Variants in FRMD4B observed in about 807,000 individuals in gnomAD.
FRMD4B encodes FERM domain containing 4B, also known as FERM domain-containing protein 4B.
In FRMD4B, 74 loss-of-function variants were observed where a neutral mutation model predicts 141.5. The observed-to-expected ratio is 0.52, with a 90% CI of 0.43 to 0.63. FRMD4B has a LOEUF of 0.63. Ranked by LOEUF, FRMD4B falls within the 30% of genes least tolerant of loss-of-function variation. FRMD4B has a pLI of 0.00. For missense variants in FRMD4B, 1,366 were observed against 1,253.4 expected (o/e 1.09, Z -1.36); for synonymous variants, 506 against 467.9 (o/e 1.08, Z -1.05).
intron 11 of FRMD4B, among the ~76,000 whole-genome samples, chr3:69,200,068 T>C: frequency 6.6e-6 from 1 of 152,208 alleles, no homozygotes; most frequent in Non-Finnish European, 1.5e-5. Flanking sequence ...TTTTTAATAG[T>C]CTATACAATA....
At chr3:69,451,175 A>C (rs1484695166) in intron 1 of FRMD4B, among the ~76,000 whole-genome samples, 1 of 152,178 alleles carries the variant, frequency 6.6e-6, no homozygotes, top group Non-Finnish European at 1.5e-5. Context: ...GTGTGATTTT[A>C]TCATAGCCAG....
Position 69,181,136 on chromosome 3 carries a change from T to C in FRMD4B, c.2614A>G (p.Thr872Ala). 2 of 1,613,776 alleles carry C rather than the reference T, an allele frequency of 1.2e-6. No homozygotes were observed. The highest frequency in any genetic ancestry group is 8.5e-7 in the Non-Finnish European group (1 of 1,179,828). Residue 872 changes from threonine (T) to alanine (A), a missense_variant, in exon 21 of 23, where the codon ACT becomes GCT. Transcript: ENST00000398540. The stretch of plus-strand genomic sequence containing the variant: ...GCAGCCTTCCTTGGCAGCCGGAGAG[T>C]TGCATATGGGTTATGGGGTACCCGG... ...VDRVPHNPYA[T>A]LRLPRKAAAK... is the part of the protein sequence containing the mutation.
intron 1 of FRMD4B, among the ~76,000 whole-genome samples, chr3:69,343,225 T>G (rs1051432404): frequency 1.3e-5 from 2 of 152,106 alleles, no homozygotes; most frequent in South Asian, 4.1e-4. Context: ...AGTGCTGGAA[T>G]TGAAGGCACG....
At chr3:69,441,885 C>T (rs185564309) in intron 1 of FRMD4B, among the ~76,000 whole-genome samples, 33 of 152,274 alleles carry the variant, frequency 2.2e-4, no homozygotes, top group African/African-American at 5.1e-4. Flanking sequence ...ACTTACAAAA[C>T]GGATTCCAAA....
intron 1 of FRMD4B, chr3:69,536,105 T>A: frequency 2.1e-6 from 1 of 471,328 alleles, no homozygotes; most frequent in Non-Finnish European, 4.0e-6. Flanking sequence ...ACTGCCTTGC[T>A]TGCCGGCCTT....
intron 1 of FRMD4B, among the ~76,000 whole-genome samples, chr3:69,314,695 C>T (rs1352871872): frequency 2.0e-5 from 3 of 151,922 alleles, no homozygotes; most frequent in Non-Finnish European, 4.4e-5. Context: ...ATTAGCCTGG[C>T]ATGGTGGTAT....
chr3:69,293,975 T>G (rs895799518), intron 4 of FRMD4B, among the ~76,000 whole-genome samples: 10 of 148,858 alleles, frequency 6.7e-5, no homozygotes, highest in Non-Finnish European at 1.2e-4. Flanking sequence ...TGTTTTAACA[T>G]AAAATGAGAA....
At chr3:69,497,574 A>C (rs1203877766) in intron 1 of FRMD4B, among the ~76,000 whole-genome samples, 1 of 152,118 alleles carries the variant, frequency 6.6e-6, no homozygotes, top group Non-Finnish European at 1.5e-5. Flanking sequence ...CTTATAATAA[A>C]AATAATAATA....
chr3:69,192,170 G>A (rs943766880), intron 17 of FRMD4B, among the ~76,000 whole-genome samples: 8 of 152,104 alleles, frequency 5.3e-5, no homozygotes, highest in Non-Finnish European at 1.2e-4. Flanking sequence ...GATTGCTTGA[G>A]CTCAGGAGTT....
chr3:69,406,321 GC>G (rs1390042734), intron 2 of FRMD4B, among the ~76,000 whole-genome samples: 1 of 152,198 alleles, frequency 6.6e-6, no homozygotes, highest in Non-Finnish European at 1.5e-5. Context: ...GATACTCACA[GC>G]TCACAACTTT....
chr3:69,278,222 T>C (rs367582383), intron 5 of FRMD4B, among the ~76,000 whole-genome samples: 11 of 152,310 alleles, frequency 7.2e-5, no homozygotes, highest in African/African-American at 2.2e-4. Flanking sequence ...GAATTTCACA[T>C]ACAGATAAGT....
At chr3:69,322,686 T>C (rs1702050086) in intron 1 of FRMD4B, among the ~76,000 whole-genome samples, 2 of 150,630 alleles carry the variant, frequency 1.3e-5, no homozygotes, top group African/African-American at 2.5e-5. Flanking sequence ...AGCCTCGACC[T>C]GCTGGGCTCA....
chr3:69,436,662 T>TTA, intron 1 of FRMD4B, among the ~76,000 whole-genome samples: 1 of 152,292 alleles, frequency 6.6e-6, no homozygotes, highest in South Asian at 2.1e-4. Context: ...AGAAACATTA[T>TTA]CCACAATTAC....
At chr3:69,509,320 C>T (rs1706651668) in intron 1 of FRMD4B, among the ~76,000 whole-genome samples, 2 of 152,192 alleles carry the variant, frequency 1.3e-5, no homozygotes, top group East Asian at 3.8e-4. Context: ...AAGTCTGTTG[C>T]CAAATTCCAA....
At chr3:69,383,538 G>C (rs1301296563) in intron 1 of FRMD4B, among the ~76,000 whole-genome samples, 1 of 152,146 alleles carries the variant, frequency 6.6e-6, no homozygotes, top group Non-Finnish European at 1.5e-5. Context: ...AGGGTTATTG[G>C]GATAGCCAAT....
chr3:69,177,256 T>G (rs141518014), intron 21 of FRMD4B, among the ~76,000 whole-genome samples: 28 of 152,228 alleles, frequency 1.8e-4, no homozygotes, highest in African/African-American at 6.7e-4. Context: ...GGAGAAATAC[T>G]TGAGCCCATG....
intron 7 of FRMD4B, among the ~76,000 whole-genome samples, chr3:69,246,261 GC>G (rs1378275654): frequency 1.3e-5 from 2 of 152,126 alleles, no homozygotes; most frequent in African/African-American, 4.8e-5. Flanking sequence ...TTTGAGACCA[GC>G]CTGGGTAACA....
At chr3:69,335,015 G>T (rs546076960) in intron 1 of FRMD4B, among the ~76,000 whole-genome samples, 1 of 152,162 alleles carries the variant, frequency 6.6e-6, no homozygotes, top group African/African-American at 2.4e-5. Context: ...CTGGGCCAGT[G>T]GTTCATACCT....
At chr3:69,539,996 C>G (rs1701143557) in intron 1 of FRMD4B, among the ~76,000 whole-genome samples, 1 of 151,342 alleles carries the variant, frequency 6.6e-6, no homozygotes, top group Admixed American at 6.6e-5. Flanking sequence ...AATTCAAGAC[C>G]AGCCCGACCA....
Sources: allele counts gnomAD v4.1 joint callset (sites outside exome capture counted in the v4.1 genomes callset), GRCh38; gene constraint gnomAD v4.1.1; transcripts MANE v1.5; gene names NCBI Gene and HGNC (gene_info 2026-07-23, HGNC 2026-07-21).